Variants in DCDC1 observed in about 807,000 individuals in gnomAD.
The protein encoded by DCDC1 is doublecortin domain-containing protein 1.
DCDC1 carries 200 observed loss-of-function variants against 178.3 expected under a neutral mutation model. The ratio of observed to expected loss-of-function variants is 1.12; its 90% CI spans 1.00 to 1.26. DCDC1 has a LOEUF of 1.26. DCDC1 is among the 50% of genes most tolerant of loss of function. The probability of loss-of-function intolerance (pLI) is 0.00; values close to 1 mark genes in which losing one functional copy is unlikely to be tolerated. For synonymous variants in DCDC1, 690 were observed against 604.8 expected, an observed-to-expected ratio of 1.14 and a Z score of -2.07; for missense variants, 1,983 against 1,749.2, an observed-to-expected ratio of 1.13 and a Z score of -2.38.
At chr11:31,200,640 T>C (rs1015153919) in intron 9 of DCDC1, among the ~76,000 whole-genome samples, 1 of 151,970 alleles carries the variant, frequency 6.6e-6, no homozygotes, top group Non-Finnish European at 1.5e-5. Flanking sequence ...CATTAAAAAA[T>C]AATATTATTT....
At chr11:31,157,996 C>G (rs1965901257) in intron 9 of DCDC1, among the ~76,000 whole-genome samples, 1 of 152,126 alleles carries the variant, frequency 6.6e-6, no homozygotes, top group Admixed American at 6.5e-5. Flanking sequence ...CTAAATCAAG[C>G]TCATTAACCC....
chr11:30,867,285 T>C (rs1281804099), intron 38 of DCDC1, among the ~76,000 whole-genome samples: 2 of 152,220 alleles, frequency 1.3e-5, no homozygotes, highest in Non-Finnish European at 2.9e-5. Flanking sequence ...GTTAGGCAGA[T>C]TTGGGTATAA....
At chr11:31,169,335 G>T (rs1444291799) in intron 9 of DCDC1, among the ~76,000 whole-genome samples, 1 of 152,146 alleles carries the variant, frequency 6.6e-6, no homozygotes, top group Non-Finnish European at 1.5e-5. Flanking sequence ...CATTCTGTAT[G>T]TATACCACTG....
At chr11:31,119,162 C>T (rs1360496706) in intron 11 of DCDC1, among the ~76,000 whole-genome samples, 1 of 152,100 alleles carries the variant, frequency 6.6e-6, no homozygotes, top group Non-Finnish European at 1.5e-5. Flanking sequence ...GTAAAGGCTT[C>T]GTAGGATCTG....
intron 32 of DCDC1, among the ~76,000 whole-genome samples, chr11:30,902,511 C>A (rs1181134060): frequency 6.6e-6 from 1 of 151,956 alleles, no homozygotes; most frequent in Non-Finnish European, 1.5e-5. Context: ...TATATATACA[C>A]ATATATGTGT....
intron 9 of DCDC1, among the ~76,000 whole-genome samples, chr11:31,214,627 T>C (rs937165182): frequency 2.0e-5 from 3 of 152,048 alleles, no homozygotes; most frequent in African/African-American, 7.2e-5. Context: ...TACAAAATAA[T>C]AGGAAGTGAC....
chr11:31,182,011 A>T (rs1968866396), intron 9 of DCDC1, among the ~76,000 whole-genome samples: 2 of 152,240 alleles, frequency 1.3e-5, no homozygotes, highest in South Asian at 4.1e-4. Context: ...GATCAACTTA[A>T]TGAAATAAAG....
At chr11:31,315,347 T>C (rs1019420103) in intron 3 of DCDC1, among the ~76,000 whole-genome samples, 6 of 122,426 alleles carry the variant, frequency 4.9e-5, no homozygotes, top group African/African-American at 1.6e-4. Flanking sequence ...AGACAGAGTC[T>C]CGCTCTGTCA....
At chr11:31,124,524 C>T (rs1346164877) in intron 11 of DCDC1, among the ~76,000 whole-genome samples, 7 of 152,118 alleles carry the variant, frequency 4.6e-5, no homozygotes, top group African/African-American at 1.7e-4. Flanking sequence ...TGCTACCTGA[C>T]TTCAAACTAT....
intron 8 of DCDC1, chr11:31,263,213 G>T (rs565284110): frequency 4.1e-6 from 3 of 726,394 alleles, no homozygotes; most frequent in Middle Eastern, 3.3e-4. Flanking sequence ...TTAATTCCAG[G>T]TGAACTGGAA....
chr11:31,202,799 A>T (rs1243517597), intron 9 of DCDC1, among the ~76,000 whole-genome samples: 2 of 152,136 alleles, frequency 1.3e-5, no homozygotes, highest in Admixed American at 1.3e-4. Flanking sequence ...TGCTCCATAT[A>T]CGGAGAGGTT....
chr11:31,314,027 C>A (rs913739121), intron 3 of DCDC1, among the ~76,000 whole-genome samples: 3 of 152,124 alleles, frequency 2.0e-5, no homozygotes, highest in African/African-American at 4.8e-5. Context: ...CAAAGTAGTT[C>A]CTTTTTCAGT....
At chr11:31,263,198 A>G in intron 8 of DCDC1, 2 of 871,060 alleles carry the variant, frequency 2.3e-6, no homozygotes, top group Non-Finnish European at 3.4e-6. Context: ...TTCAAATCTG[A>G]TGTTTTAATT....
chr11:31,169,414 G>C (rs887684731), intron 9 of DCDC1, among the ~76,000 whole-genome samples: 2 of 152,178 alleles, frequency 1.3e-5, no homozygotes, highest in African/African-American at 4.8e-5. Flanking sequence ...TGGGGATATA[G>C]ATTCAGATTA....
intron 9 of DCDC1, among the ~76,000 whole-genome samples, chr11:31,225,367 G>A (rs993433433): frequency 1.3e-5 from 2 of 149,730 alleles, no homozygotes; most frequent in Non-Finnish European, 3.0e-5. Flanking sequence ...TTGGGGACAT[G>A]GGGGAAAGTT....
intron 20 of DCDC1, among the ~76,000 whole-genome samples, chr11:31,017,550 T>C (rs1288596861): frequency 6.9e-6 from 1 of 145,642 alleles, no homozygotes; most frequent in Non-Finnish European, 1.5e-5. Context: ...TTATCAATGG[T>C]AAAAAAAAAA....
intron 20 of DCDC1, among the ~76,000 whole-genome samples, chr11:31,052,784 G>C (rs1355192750): frequency 6.6e-6 from 1 of 152,158 alleles, no homozygotes; most frequent in East Asian, 1.9e-4. Context: ...TCTTTGAGCT[G>C]AGTAACAATA....
chr11:31,260,443 G>T (rs972903898), intron 8 of DCDC1, among the ~76,000 whole-genome samples: 1 of 152,132 alleles, frequency 6.6e-6, no homozygotes, highest in Admixed American at 6.6e-5. Context: ...GAATCTCCAA[G>T]AAATTTATCA....
chr11:31,153,167 C>T (rs1965352682), intron 9 of DCDC1, among the ~76,000 whole-genome samples: 1 of 152,180 alleles, frequency 6.6e-6, no homozygotes, highest in African/African-American at 2.4e-5. Context: ...CCCTCAGTGA[C>T]TCCCTACTGC....
Sources: gnomAD v4.1 joint callset for allele counts (sites outside exome capture counted in the v4.1 genomes callset) on GRCh38, gnomAD v4.1.1 for gene constraint, MANE v1.5 for transcripts, NCBI Gene and HGNC (gene_info 2026-07-23, HGNC 2026-07-21) for gene names.